The following KRT86 variants were observed in gnomAD, a reference collection of about 807,000 sequenced individuals.
KRT86 encodes keratin, type II cuticular Hb6.
Under a neutral mutation model 41.2 loss-of-function variants are expected in KRT86, and 30 were observed. The observed-to-expected ratio is 0.73, with a 90% CI of 0.54 to 0.99. The LOEUF (loss-of-function observed/expected upper bound fraction) is 0.99, where lower values mean the gene tolerates loss of function less well. Ranked by LOEUF, KRT86 falls within the 50% of genes least tolerant of loss-of-function variation. KRT86 has a pLI of 0.00. For synonymous variants in KRT86, 238 were observed against 238.1 expected (o/e 1.00, Z 0.00); for missense variants, 561 against 571.4 (o/e 0.98, Z 0.19).
chr12:52,286,692 C>T, intron 2 of KRT86: 3 of 1,373,998 alleles, frequency 2.2e-6, no homozygotes, highest in South Asian at 1.2e-5. Context: ...TGCCAGCCCA[C>T]TCTTTTATAT....
intron 2 of KRT86, among the ~76,000 whole-genome samples, chr12:52,282,853 C>G (rs536250446): frequency 2.0e-5 from 3 of 152,364 alleles, no homozygotes; most frequent in East Asian, 3.9e-4. Context: ...CATAGATGCA[C>G]ACATGTCCAC....
At chr12:52,286,013 C>G in intron 2 of KRT86, 3 of 562,900 alleles carry the variant, frequency 5.3e-6, no homozygotes, top group Non-Finnish European at 9.5e-6. Flanking sequence ...CTGGCCCTTC[C>G]TGCTCCTGAG....
chr12:52,307,418 C>T (rs879500934), intron 9 of KRT86, among the ~76,000 whole-genome samples: 1 of 152,180 alleles, frequency 6.6e-6, no homozygotes, highest in Non-Finnish European at 1.5e-5. Context: ...ACCTAGGGAA[C>T]CTGGGCATGG....
chr12:52,305,873 G>A (rs1938502268), intron 8 of KRT86, 85 bp downstream of exon 8: 1 of 1,610,820 alleles, frequency 6.2e-7, no homozygotes, highest in Non-Finnish European at 8.5e-7. Flanking sequence ...CTGGATCTCA[G>A]CATTCATTCT....
Position 52,308,475 on chromosome 12 carries a change from A to C in KRT86, c.1351A>C (p.Thr451Pro). The C allele has an allele frequency of 6.2e-7, 1 of 1,610,832 alleles. No homozygotes were observed. Among genetic ancestry groups the C allele is most frequent in the Non-Finnish European group, 8.5e-7 (1 of 1,179,862 alleles). ...CASTTAPVVS[T>P]RVSSVPSNSN... ...CTCCACTACTGCCCCTGTTGTCTCC[A>C]CCAGAGTCAGTAGCGTCCCCAGCAA... The change falls in exon 11 of 11, where the codon ACC becomes CCC. Residue 451 changes from threonine to proline, a missense_variant. Around this residue, in one of 3 missense-constraint regions of KRT86, gnomAD observed 397 missense variants for 375.9 expected, o/e 1.06. Coordinates refer to ENST00000423955, the MANE Select transcript of KRT86 (RefSeq NM_001320198.2).
chr12:52,282,793 C>G (rs1378761111), intron 2 of KRT86, among the ~76,000 whole-genome samples: 2 of 152,200 alleles, frequency 1.3e-5, no homozygotes, highest in African/African-American at 4.8e-5. Context: ...ACCCATGTAC[C>G]CACACTGCAC....
In KRT86 at chr12:52,298,012, A is replaced by G. The variant is rs1938288225; in HGVS notation, c.-4-3901A>G. ...TGAGTGTGCCATCATTTAATTTATG[A>G]CTGAGGATTTCTGATGGTCTGTTAA... On this transcript the variant is annotated intron_variant, in intron 2 of 10. Transcript: ENST00000423955. Among the ~76,000 whole-genome samples the G allele has an allele frequency of 2.0e-5, 3 of 152,338 alleles. No homozygotes were observed. In the South Asian group the frequency reaches 6.2e-4, roughly 32 times the overall value.
chr12:52,287,903 C>A, intron 2 of KRT86: 1 of 1,611,922 alleles, frequency 6.2e-7, no homozygotes, highest in Non-Finnish European at 8.5e-7. Context: ...CCAGCATCCC[C>A]AGAAAAGGAA....
chr12:52,298,519 C>A (rs1038152310), intron 2 of KRT86, among the ~76,000 whole-genome samples: 1 of 151,084 alleles, frequency 6.6e-6, no homozygotes, highest in Non-Finnish European at 1.5e-5. Flanking sequence ...TCAGCAGCAA[C>A]AACAACAACA....
chr12:52,305,846 GCCTATGTGTGC>G (rs1938501710), intron 8 of KRT86, 58 bp downstream of exon 8: 15 of 1,612,008 alleles, frequency 9.3e-6, no homozygotes, highest in Admixed American at 1.7e-5. Context: ...TGGTCACACA[GCCTATGTGTGC>G]CCTATCTGGA....
intron 2 of KRT86, chr12:52,288,440 T>C: frequency 6.2e-7 from 1 of 1,613,948 alleles, no homozygotes; most frequent in Non-Finnish European, 8.5e-7. Context: ...CTTGCGGAGG[T>C]AGGCGCAGTC....
Position 52,308,761 on chromosome 12 carries a change from G to A in KRT86, c.*176G>A, listed in dbSNP as rs1168084443. On this transcript the variant is annotated 3_prime_UTR_variant, in exon 11 of 11. Coordinates refer to ENST00000423955, the MANE Select transcript of KRT86 (RefSeq NM_001320198.2). ...GCCATCCCCGGTCGCAGGAGTCCGG[G>A]GAGGGCCGGGAGGCGCCATGGTCTC... is the stretch of plus-strand genomic sequence containing the variant. The A allele has an allele frequency of 8.2e-6, 5 of 612,440 alleles. No homozygotes were observed. Among genetic ancestry groups the A allele is most frequent in the Non-Finnish European group, 1.4e-5 (5 of 349,218 alleles). The allele number at this position is 612,440 out of a possible 1,614,324, so 37.9% of individuals were successfully genotyped here. A position where few individuals can be genotyped will look rare whatever the true frequency, so the allele number is the denominator to read the frequency against.
intron 2 of KRT86, chr12:52,286,756 A>G: frequency 6.2e-7 from 1 of 1,605,378 alleles, no homozygotes. Flanking sequence ...ACAGGTAGTT[A>G]GTAAATCTGT....
intron 2 of KRT86, chr12:52,288,554 G>C: frequency 7.3e-7 from 1 of 1,362,448 alleles, no homozygotes; most frequent in Non-Finnish European, 1.1e-6. Context: ...GGGGAAAGCA[G>C]TCCCTGGTGT....
Position 52,308,242 on chromosome 12 carries a change from G to A in KRT86, c.1257G>A (p.Glu419=). The A allele has an allele frequency of 8.1e-6, 13 of 1,614,214 alleles. No homozygotes were observed. The highest frequency in any genetic ancestry group is 9.3e-6 in the Non-Finnish European group (11 of 1,180,052). The change falls in exon 10 of 11, where the codon GAG becomes GAA. Residue 419 remains glutamate (E), a synonymous_variant. Transcript: ENST00000423955. ...CCTTCTCTCCCTGCAGGCTGTGCGA[G>A]GGCGTCGGCTCGGTGAATGTCTGTA... ...LLEGEEQRLC[E]GVGSVNVCVS...
At chr12:52,297,044 G>A (rs553229408) in intron 2 of KRT86, among the ~76,000 whole-genome samples, 27 of 152,320 alleles carry the variant, frequency 1.8e-4, no homozygotes, top group African/African-American at 6.3e-4. Context: ...AGGGCCCACA[G>A]GATCACCTGT....
intron 2 of KRT86, among the ~76,000 whole-genome samples, chr12:52,281,441 A>G (rs1429382315): frequency 6.6e-6 from 1 of 152,214 alleles, no homozygotes. Context: ...TTGAGGCTGC[A>G]TGGTCCTGGT....
chr12:52,305,550 G>A, intron 7 of KRT86, 113 bp from the exon 8 acceptor site: 1 of 1,601,930 alleles, frequency 6.2e-7, no homozygotes, highest in Middle Eastern at 1.7e-4. Flanking sequence ...GGGCAGGACT[G>A]CCATGTGTGG....
chr12:52,308,294 G>A, intron 10 of KRT86, 30 bp downstream of exon 10: 1 of 1,614,064 alleles, frequency 6.2e-7, no homozygotes, highest in Non-Finnish European at 8.5e-7. Context: ...CCCTCCTCCC[G>A]CTGGGCGGGT....
Sources: gnomAD v4.1 joint callset for allele counts (sites outside exome capture counted in the v4.1 genomes callset) on GRCh38, gnomAD v4.1.1 for gene constraint, gnomAD v4.1.1 regional missense constraint, MANE v1.5 for transcripts, NCBI Gene and HGNC (gene_info 2026-07-23, HGNC 2026-07-21) for gene names.